Variants in TAFA1 observed in about 807,000 individuals in gnomAD.
The protein encoded by TAFA1 is TAFA chemokine like family member 1.
In TAFA1, 4 loss-of-function variants were observed where a neutral mutation model predicts 18.5. The ratio of observed to expected loss-of-function variants is 0.22; its 90% CI spans 0.11 to 0.49. The LOEUF (loss-of-function observed/expected upper bound fraction) is 0.49. Among genes scored for constraint, TAFA1 ranks in the 20% least tolerant of loss-of-function variants. The pLI, the probability that TAFA1 is intolerant of heterozygous loss-of-function variation, is 0.98. For missense variants in TAFA1, 147 were observed against 169.0 expected (o/e 0.87, Z 0.72); for synonymous variants, 56 against 55.2 (o/e 1.01, Z -0.06).
chr3:68,540,071 T>C (rs2073347675), intron 4 of TAFA1, among the ~76,000 whole-genome samples: 1 of 152,188 alleles, frequency 6.6e-6, no homozygotes, highest in Admixed American at 6.5e-5. Context: ...CTTCTCAGCC[T>C]CACTTTTTCA....
At chr3:68,220,000 G>A (rs1214372245) in intron 2 of TAFA1, among the ~76,000 whole-genome samples, 1 of 152,094 alleles carries the variant, frequency 6.6e-6, no homozygotes, top group East Asian at 1.9e-4. Flanking sequence ...ACAAAAGAAG[G>A]TTTTGTCCTC....
intron 3 of TAFA1, among the ~76,000 whole-genome samples, chr3:68,499,014 C>A (rs1236735853): frequency 6.6e-6 from 1 of 151,986 alleles, no homozygotes; most frequent in Non-Finnish European, 1.5e-5. Context: ...TTGCAACAGT[C>A]TTTTCCCTTT....
intron 3 of TAFA1, among the ~76,000 whole-genome samples, chr3:68,425,254 C>CTAG (rs1459968516): frequency 6.6e-6 from 1 of 151,932 alleles, no homozygotes; most frequent in Non-Finnish European, 1.5e-5. Flanking sequence ...CGATGAAATA[C>CTAG]TGAGATAATG....
intron 3 of TAFA1, among the ~76,000 whole-genome samples, chr3:68,458,277 A>C (rs2071703197): frequency 6.6e-6 from 1 of 152,136 alleles, no homozygotes; most frequent in Admixed American, 6.6e-5. Context: ...AAGTTTCCTG[A>C]GGCCTCCACA....
At chr3:68,366,229 A>G (rs930912960) in intron 2 of TAFA1, among the ~76,000 whole-genome samples, 1 of 152,142 alleles carries the variant, frequency 6.6e-6, no homozygotes, top group Non-Finnish European at 1.5e-5. Context: ...GGGAGCTACA[A>G]TTCAAGATGA....
intron 2 of TAFA1, among the ~76,000 whole-genome samples, chr3:68,136,794 T>C (rs2065613724): frequency 6.6e-6 from 1 of 152,170 alleles, no homozygotes; most frequent in Admixed American, 6.5e-5. Flanking sequence ...CTTTGTGCAT[T>C]GGATTCTCTC....
At chr3:68,060,249 G>A (rs960983679) in intron 2 of TAFA1, among the ~76,000 whole-genome samples, 1 of 151,578 alleles carries the variant, frequency 6.6e-6, no homozygotes, top group Admixed American at 6.6e-5. Context: ...TTTTCCCTCT[G>A]GGGATGTCAA....
intron 2 of TAFA1, among the ~76,000 whole-genome samples, chr3:68,299,545 T>C (rs2068268756): frequency 1.3e-5 from 2 of 152,222 alleles, no homozygotes; most frequent in Admixed American, 1.3e-4. Flanking sequence ...AAAACCCATT[T>C]TCTGAGGAGA....
intron 2 of TAFA1, among the ~76,000 whole-genome samples, chr3:68,134,356 C>CGT (rs140941461): frequency 3.0e-4 from 45 of 150,936 alleles, no homozygotes; most frequent in East Asian, 1.2e-3. Context: ...GTACTGAGTG[C>CGT]GTGTGTGTGT....
intron 2 of TAFA1, among the ~76,000 whole-genome samples, chr3:68,276,157 T>TAA (rs141106318): frequency 7.7e-5 from 11 of 142,502 alleles, no homozygotes; most frequent in African/African-American, 2.1e-4. Flanking sequence ...ATAACCCAAC[T>TAA]AAAAAAAAAA....
intron 3 of TAFA1, among the ~76,000 whole-genome samples, chr3:68,435,722 A>C (rs1229279040): frequency 6.6e-6 from 1 of 152,208 alleles, no homozygotes; most frequent in East Asian, 1.9e-4. Context: ...CATCTTAGCC[A>C]CATGACTGTG....
chr3:68,470,648 G>A (rs148767136), intron 3 of TAFA1, among the ~76,000 whole-genome samples: 12 of 152,314 alleles, frequency 7.9e-5, no homozygotes, highest in African/African-American at 2.6e-4. Context: ...CTTTGAACTT[G>A]AGGGAGTTAA....
chr3:68,498,721 G>GTTTTTTTTTTTTTT lies in TAFA1; in HGVS notation c.260-40035_260-40034insTTTTTTTTTTTTTT, dbSNP rs1559694779. On this transcript the variant is annotated intron_variant, in intron 3 of 4. Coordinates refer to ENST00000478136, the MANE Select transcript of TAFA1 (RefSeq NM_213609.4). ...AAATTCCTCCCAAAGCCGTTTGGTG[G>GTTTTTTTTTTTTTT]CTTTTTTTTTTTTTTTTTTTTTTTT... Among the ~76,000 whole-genome samples the GTTTTTTTTTTTTTT allele has an allele frequency of 2.0e-5, 2 of 101,722 alleles. 1 individual carries two copies. Among genetic ancestry groups the GTTTTTTTTTTTTTT allele is most frequent in the Non-Finnish European group, 3.6e-5 (2 of 55,940 alleles). The allele number at this position is 101,722 out of a possible 152,430, so 66.7% of individuals were successfully genotyped here. A position where few individuals can be genotyped will look rare whatever the true frequency, so the allele number is the denominator to read the frequency against.
intron 2 of TAFA1, chr3:68,145,437 T>G: frequency 2.3e-6 from 2 of 862,614 alleles, no homozygotes; most frequent in Admixed American, 3.4e-5. Context: ...GAAGAGGCTG[T>G]GAAAGGCTTA....
chr3:68,237,614 C>T (rs2066944239), intron 2 of TAFA1, among the ~76,000 whole-genome samples: 1 of 152,140 alleles, frequency 6.6e-6, no homozygotes, highest in Admixed American at 6.5e-5. Context: ...CAGATTATCT[C>T]AAAGTAACCA....
chr3:68,467,064 C>T (rs574587919), intron 3 of TAFA1, among the ~76,000 whole-genome samples: 7 of 152,190 alleles, frequency 4.6e-5, no homozygotes, highest in South Asian at 2.1e-4. Context: ...TACCCATTTT[C>T]GGTAATAAGA....
intron 2 of TAFA1, among the ~76,000 whole-genome samples, chr3:68,190,650 T>C (rs1257924750): frequency 6.6e-6 from 1 of 151,790 alleles, no homozygotes; most frequent in East Asian, 2.0e-4. Context: ...CTGCTGCACA[T>C]TAAATTTGAG....
intron 2 of TAFA1, among the ~76,000 whole-genome samples, chr3:68,133,624 T>C (rs1013597906): frequency 1.5e-4 from 23 of 152,140 alleles, no homozygotes; most frequent in African/African-American, 5.1e-4. Flanking sequence ...ATTCTCTTTT[T>C]AGCAATTGTG....
At chr3:68,360,785 A>T (rs1423051110) in intron 2 of TAFA1, among the ~76,000 whole-genome samples, 2 of 152,050 alleles carry the variant, frequency 1.3e-5, no homozygotes, top group Non-Finnish European at 2.9e-5. Flanking sequence ...AAATCACTGT[A>T]CTATACATTA....
Sources: allele counts gnomAD v4.1 joint callset (sites outside exome capture counted in the v4.1 genomes callset), GRCh38; gene constraint gnomAD v4.1.1; transcripts MANE v1.5; gene names NCBI Gene and HGNC (gene_info 2026-07-23, HGNC 2026-07-21).